The following RRM1 variants were observed in gnomAD, a reference collection of about 807,000 sequenced individuals.
The protein encoded by RRM1 is ribonucleoside-diphosphate reductase large subunit.
Under a neutral mutation model 101.5 loss-of-function variants are expected in RRM1, and 19 were observed. That is an observed-to-expected ratio of 0.19 (90% CI 0.13 to 0.27). RRM1 has a LOEUF of 0.27. Ranked by LOEUF, RRM1 falls within the 10% of genes least tolerant of loss-of-function variation. The probability of loss-of-function intolerance (pLI) is 1.00; values close to 1 mark genes in which losing one functional copy is unlikely to be tolerated. For synonymous variants in RRM1, 298 were observed against 323.4 expected, an observed-to-expected ratio of 0.92 and a Z score of 0.84; for missense variants, 500 against 962.9, an observed-to-expected ratio of 0.52 and a Z score of 6.36.
chr11:4,138,496 G>A lies in RRM1; in HGVS notation c.*113G>A, dbSNP rs1021923424. 2.3e-5 allele frequency: 14 copies of A among 600,038 alleles called. No homozygotes were observed. The highest frequency in any genetic ancestry group is 2.3e-4 in the African/African-American group (12 of 52,632). The allele number at this position is 600,038 out of a possible 1,614,324, so 37.2% of individuals were successfully genotyped here. A position where few individuals can be genotyped will look rare whatever the true frequency, so the allele number is the denominator to read the frequency against. On this transcript the variant is annotated 3_prime_UTR_variant, in exon 19 of 19. Coordinates refer to ENST00000300738, the MANE Select transcript of RRM1 (RefSeq NM_001033.5). ...AAGGCTTTGCTGGACCCTGTTGCAG[G>A]CAAAAGGAGTAATTGATTTAAAGTA... is the stretch of plus-strand genomic sequence containing the variant.
At chr11:4,137,679 C>T in intron 18 of RRM1, among the ~76,000 whole-genome samples, 1 of 21,378 alleles carries the variant, frequency 4.7e-5, no homozygotes, top group Admixed American at 4.9e-4. Context: ...GGGGCTGACC[C>T]CCCCACCTCC....
chr11:4,137,859 A>C (rs868461278), intron 18 of RRM1, among the ~76,000 whole-genome samples: 13 of 3,630 alleles, frequency 3.6e-3, no homozygotes, highest in African/African-American at 6.3e-3. Context: ...CTGACTCCCC[A>C]ACCTCCCTCC....
At position 4,127,224 on chromosome 11, in the gene RRM1, G is replaced by C; in HGVS notation, c.1660G>C (p.Glu554Gln). ...CDLAKEQGPY[E>Q]TYEGSPVSKG... is the part of the protein sequence containing the mutation. ...CCTTGCCAAGGAGCAGGGCCCATACGAAACCTATGAGGGCTCTCCAGTTAG... is the reference window on the plus strand; with the variant it reads ...CCTTGCCAAGGAGCAGGGCCCATACCAAACCTATGAGGGCTCTCCAGTTAG... The change falls in exon 14 of 19, where the codon GAA becomes CAA. Residue 554 changes from glutamate (E) to glutamine (Q), a missense_variant. Transcript: ENST00000300738. The C allele has an allele frequency of 6.2e-7, 1 of 1,604,674 alleles. No homozygotes were observed. The highest frequency in any genetic ancestry group is 8.5e-7 in the Non-Finnish European group (1 of 1,177,032).
At chr11:4,126,550 A>T in intron 12 of RRM1, 134 bp from the exon 13 acceptor site, 1 of 692,738 alleles carries the variant, frequency 1.4e-6, no homozygotes, top group Non-Finnish European at 2.4e-6. Flanking sequence ...CTGATGAATG[A>T]TGAAGAGGGA....
intron 1 of RRM1, among the ~76,000 whole-genome samples, chr11:4,098,567 T>C (rs2094546731): frequency 6.6e-6 from 1 of 152,088 alleles, no homozygotes; most frequent in Non-Finnish European, 1.5e-5. Context: ...TTGAGAAAGA[T>C]AGACAAATAA....
At chr11:4,123,153 A>G (rs1802541669) in intron 11 of RRM1, 30 bp from the exon 12 acceptor site, 2 of 1,546,546 alleles carry the variant, frequency 1.3e-6, no homozygotes, top group Non-Finnish European at 1.8e-6. Flanking sequence ...TAGGGAATAT[A>G]TATTAAATAA....
Position 4,098,285 on chromosome 11 carries a change from CCTTCCTTCCTCCCTTT to C in RRM1, c.19+3261_19+3276del, listed in dbSNP as rs201268611. ...TTCCCTATCCCTGCCTCCCTCCCTC[CCTTCCTTCCTCCCTTT>C]CTTCCTCCCTCCCTTCCTTCCCTCC... On this transcript the variant is annotated intron_variant, in intron 1 of 18. Transcript: ENST00000300738. Among the ~76,000 whole-genome samples, 892 of 151,272 alleles carry C rather than the reference CCTTCCTTCCTCCCTTT, an allele frequency of 5.9e-3. 3 individuals carry two copies. Among genetic ancestry groups the C allele is most frequent in the African/African-American group, 0.02 (839 of 41,088 alleles).
At position 4,123,043 on chromosome 11, in the gene RRM1, A is replaced by T. The variant is rs2094584144; in HGVS notation, c.1119-140A>T. 6 of 709,340 alleles carry T rather than the reference A, an allele frequency of 8.5e-6. No individual in the cohort carries two copies. The East Asian group carries it at 1.7e-4, about 20-fold the overall frequency. 43.9% of individuals were successfully genotyped at this position (709,340 alleles called of 1,614,324 possible). ...TGGCTTTAGCTAGAGTAAAATAAAT[A>T]TCATATTCCTTTTTTTCTTTAGCAA... On this transcript the variant is annotated intron_variant, in intron 11 of 18. Transcript: ENST00000300738.
At chr11:4,137,081 TG>T (rs2094612075) in intron 18 of RRM1, 3 of 228,400 alleles carry the variant, frequency 1.3e-5, no homozygotes, top group African/African-American at 2.4e-5. Context: ...AGCACAGGGT[TG>T]GGGGTAAGGT....
chr11:4,115,796 A>G (rs1423805728), intron 7 of RRM1, among the ~76,000 whole-genome samples: 2 of 152,132 alleles, frequency 1.3e-5, no homozygotes, highest in African/African-American at 2.4e-5. Context: ...ACCTCAGGTG[A>G]TCCACCTGCC....
intron 1 of RRM1, among the ~76,000 whole-genome samples, chr11:4,098,730 A>T (rs893044504): frequency 3.9e-5 from 6 of 152,188 alleles, no homozygotes; most frequent in African/African-American, 1.4e-4. Flanking sequence ...AACAAAGCTA[A>T]ATTACATTTC....
At position 4,132,025 on chromosome 11, in the gene RRM1, G is replaced by A. The variant is rs944659769; in HGVS notation, c.1770-261G>A. 2.0e-5 allele frequency among the ~76,000 whole-genome samples: 3 copies of A among 152,178 alleles called. No individual in the cohort carries two copies. The highest frequency in any genetic ancestry group is 4.4e-5 in the Non-Finnish European group (3 of 68,028). The stretch of plus-strand genomic sequence containing the variant: ...GTGGCATAAATCATGGTATGATAAG[G>A]ATAGCCAACAATAAAAATTGTACTA... On this transcript the variant is annotated intron_variant, in intron 15 of 18. Coordinates refer to ENST00000300738, the MANE Select transcript of RRM1 (RefSeq NM_001033.5). The surrounding 1 kb of genome is among the most constrained non-coding windows in gnomAD (Gnocchi z 4.1).
intron 2 of RRM1, among the ~76,000 whole-genome samples, chr11:4,102,651 CAAA>C (rs780209887): frequency 1.2e-4 from 10 of 82,038 alleles, no homozygotes; most frequent in Non-Finnish European, 1.6e-4. Context: ...GACTCCCTCT[CAAA>C]AAAAAAAAAA....
In RRM1 at chr11:4,127,077, G is replaced by A; in HGVS notation, c.1513G>A (p.Val505Ile). Residue 505 changes from valine to isoleucine, a missense_variant, in exon 14 of 19, where the codon GTA (valine) becomes ATA (isoleucine). Coordinates refer to ENST00000300738, the MANE Select transcript of RRM1 (RefSeq NM_001033.5). ...NKRHRPIGIGVQGLADAFILM... is the reference protein window; with the variant it reads ...NKRHRPIGIGIQGLADAFILM... ...ACGCCATCGCCCCATTGGAATTGGG[G>A]TACAAGGTCTGGCAGATGCTTTTAT... The A allele has an allele frequency of 6.2e-7, 1 of 1,613,964 alleles. No individual in the cohort carries two copies. The highest frequency in any genetic ancestry group is 8.5e-7 in the Non-Finnish European group (1 of 1,179,964).
chr11:4,109,636 C>T lies in RRM1; in HGVS notation c.388-8C>T. On this transcript the variant is annotated splice_region_variant and splice_polypyrimidine_tract_variant and intron_variant, in intron 4 of 18. Coordinates refer to ENST00000300738, the MANE Select transcript of RRM1 (RefSeq NM_001033.5). ...ATTTAATTATGGGTTCTTTTTCACC[C>T]CTATCAGCGCCTGAATTCTGCTATT... is the stretch of plus-strand genomic sequence containing the variant. 2 of 1,600,032 alleles carry T rather than the reference C, an allele frequency of 1.2e-6. No individual in the cohort carries two copies. The highest frequency in any genetic ancestry group is 2.3e-5 in the South Asian group (2 of 87,742).
At chr11:4,107,760 C>T (rs1034389521) in intron 4 of RRM1, among the ~76,000 whole-genome samples, 7 of 152,116 alleles carry the variant, frequency 4.6e-5, no homozygotes, top group Admixed American at 4.6e-4. Flanking sequence ...TGTGTACATA[C>T]ATATTTTTCT....
At chr11:4,118,730 CATTG>C (rs759116748) in intron 8 of RRM1, among the ~76,000 whole-genome samples, 2 of 152,094 alleles carry the variant, frequency 1.3e-5, no homozygotes, top group African/African-American at 2.4e-5. Context: ...GAGCAGTTAT[CATTG>C]ATTGATTGCT....
Position 4,126,837 on chromosome 11 carries a change from T to G in RRM1, c.1470+4T>G. 6.3e-7 allele frequency: 1 copy of G among 1,599,714 alleles called. No individual in the cohort carries two copies. ...AAACTACTATCCTGTACCAGAGGTA[T>G]GAATAGATTTCTCTGCTTATTGGTA... On this transcript the variant is annotated splice_donor_region_variant and intron_variant, in intron 13 of 18. Transcript: ENST00000300738.
rs922487278 is a variant in RRM1, at chr11:4,118,573, A to G, written c.792+112A>G. The G allele has an allele frequency of 7.7e-6, 8 of 1,034,558 alleles. No individual in the cohort carries two copies. In the African/African-American group the frequency reaches 9.6e-5, roughly 12 times the overall value. 64.1% of individuals were successfully genotyped at this position (1,034,558 alleles called of 1,614,324 possible). On this transcript the variant is annotated intron_variant, in intron 8 of 18. Transcript: ENST00000300738. ...GGGAGTCCTGGGTCTCTGTTAAATT[A>G]CTAAATGGCTATGTGACTTGGAGTG...
Sources: allele counts gnomAD v4.1 joint callset (sites outside exome capture counted in the v4.1 genomes callset), GRCh38; gene constraint gnomAD v4.1.1; non-coding constraint Gnocchi (gnomAD v3.1); transcripts MANE v1.5; gene names NCBI Gene and HGNC (gene_info 2026-07-23, HGNC 2026-07-21).